PTPRD: variants seen among roughly 807,000 people sequenced by gnomAD.
PTPRD encodes receptor-type tyrosine-protein phosphatase delta.
Under a neutral mutation model 214.5 loss-of-function variants are expected in PTPRD, and 34 were observed. That is an observed-to-expected ratio of 0.16 (90% confidence interval 0.12 to 0.21). The LOEUF (loss-of-function observed/expected upper bound fraction) is 0.21. Among genes scored for constraint, PTPRD ranks in the 10% least tolerant of loss-of-function variants. The probability of loss-of-function intolerance (pLI) is 1.00; values close to 1 mark genes in which losing one functional copy is unlikely to be tolerated. For missense variants in PTPRD, 2,545 were observed against 2,398.7 expected, an observed-to-expected ratio of 1.06 and a Z score of -1.27; for synonymous variants, 1,128 against 845.7, an observed-to-expected ratio of 1.33 and a Z score of -5.79.
intron 34 of PTPRD, among the ~76,000 whole-genome samples, chr9:8,445,739 C>G (rs376118576): frequency 6.6e-6 from 1 of 152,070 alleles, no homozygotes; most frequent in South Asian, 2.1e-4. Flanking sequence ...ATGCAGCAAT[C>G]GGTTAAGTCA....
Position 8,792,059 on chromosome 9 carries a change from G to GA in PTPRD, c.-103-58114dup, listed in dbSNP as rs553130928. Among the ~76,000 whole-genome samples, 13 of 152,224 alleles carry GA rather than the reference G, an allele frequency of 8.5e-5. 2 individuals are homozygous for GA. The East Asian group carries it at 2.5e-3, about 29-fold the overall frequency. On this transcript the variant is annotated intron_variant, in intron 11 of 45. Coordinates refer to ENST00000381196, the MANE Select transcript of PTPRD (RefSeq NM_002839.4). ...CTGTCACAATCATTTCTTAAGGGCGGAAAAAAAGCTGAAATAGTTCGTTTT... is the reference window on the plus strand; with the variant it reads ...CTGTCACAATCATTTCTTAAGGGCGGAAAAAAAAGCTGAAATAGTTCGTTTT...
chr9:9,967,197 T>A (rs902100394), intron 4 of PTPRD, among the ~76,000 whole-genome samples: 6 of 152,202 alleles, frequency 3.9e-5, no homozygotes, highest in Non-Finnish European at 7.4e-5. Flanking sequence ...GCCTCAGTTT[T>A]ATCATCAGCA....
intron 5 of PTPRD, among the ~76,000 whole-genome samples, chr9:9,815,181 A>C (rs937993307): frequency 6.6e-6 from 1 of 152,214 alleles, no homozygotes; most frequent in Non-Finnish European, 1.5e-5. Context: ...GGATCAGAAT[A>C]GAGAGCCCAT....
intron 2 of PTPRD, among the ~76,000 whole-genome samples, chr9:10,472,870 G>A (rs183114754): frequency 3.3e-4 from 50 of 150,950 alleles, no homozygotes; most frequent in African/African-American, 1.1e-3. Flanking sequence ...TTTCAAAAAG[G>A]GACAAGGAGA....
intron 8 of PTPRD, among the ~76,000 whole-genome samples, chr9:9,457,917 C>T (rs2093237870): frequency 6.6e-6 from 1 of 151,948 alleles, no homozygotes. Flanking sequence ...GTGGTGTTTC[C>T]CGTCTAACAT....
At chr9:8,876,001 C>T (rs1318632975) in intron 11 of PTPRD, among the ~76,000 whole-genome samples, 8 of 152,210 alleles carry the variant, frequency 5.3e-5, no homozygotes. Flanking sequence ...ATTCTTACAA[C>T]ATAGTGTCTT....
intron 9 of PTPRD, among the ~76,000 whole-genome samples, chr9:9,268,774 A>G (rs1000678857): frequency 4.0e-5 from 6 of 150,362 alleles, no homozygotes; most frequent in African/African-American, 1.5e-4. Context: ...AGTGTCTTCA[A>G]TTATGGTGCC....
chr9:9,035,074 G>C (rs1168519039), intron 10 of PTPRD, among the ~76,000 whole-genome samples: 1 of 152,078 alleles, frequency 6.6e-6, no homozygotes, highest in Non-Finnish European at 1.5e-5. Context: ...TGGAGTGTGG[G>C]ATTGGATTTT....
intron 14 of PTPRD, among the ~76,000 whole-genome samples, chr9:8,622,880 T>G (rs1412419061): frequency 6.6e-6 from 1 of 151,972 alleles, no homozygotes; most frequent in Non-Finnish European, 1.5e-5. Context: ...GGCTTATGCC[T>G]GTAATCCCAT....
intron 3 of PTPRD, among the ~76,000 whole-genome samples, chr9:10,238,761 A>C (rs2099637282): frequency 6.6e-6 from 1 of 151,952 alleles, no homozygotes; most frequent in Non-Finnish European, 1.5e-5. Flanking sequence ...AATTTTGTTA[A>C]TTATGAGTTT....
chr9:9,255,425 A>G (rs988087244), intron 9 of PTPRD, among the ~76,000 whole-genome samples: 14 of 152,048 alleles, frequency 9.2e-5, no homozygotes, highest in African/African-American at 3.4e-4. Flanking sequence ...AAACCTCTTT[A>G]TATATTTAAA....
intron 12 of PTPRD, among the ~76,000 whole-genome samples, chr9:8,676,566 T>C (rs2097424079): frequency 6.6e-6 from 1 of 151,572 alleles, no homozygotes; most frequent in South Asian, 2.1e-4. Flanking sequence ...TGTGGGTTTC[T>C]TTTTTTGTTT....
intron 2 of PTPRD, among the ~76,000 whole-genome samples, chr9:10,543,899 C>A (rs10959161): frequency 0.19 from 28,162 of 152,080 alleles, 2,849 homozygotes; most frequent in South Asian, 0.25. Flanking sequence ...GTCGGGGAAT[C>A]TGCTTGTGAT....
At chr9:9,260,806 C>G (rs1182634707) in intron 9 of PTPRD, among the ~76,000 whole-genome samples, 1 of 151,894 alleles carries the variant, frequency 6.6e-6, no homozygotes, top group Non-Finnish European at 1.5e-5. Context: ...CCACCCTGTT[C>G]TCTTTAGGAC....
At chr9:9,902,902 T>G (rs1283725229) in intron 5 of PTPRD, among the ~76,000 whole-genome samples, 1 of 152,084 alleles carries the variant, frequency 6.6e-6, no homozygotes, top group African/African-American at 2.4e-5. Flanking sequence ...ATTTTTTTGT[T>G]TGTGTAATAT....
At chr9:9,885,701 C>T (rs562567832) in intron 5 of PTPRD, among the ~76,000 whole-genome samples, 363 of 152,048 alleles carry the variant, frequency 2.4e-3, no homozygotes, top group Middle Eastern at 6.8e-3. Context: ...TGTGGGCAAC[C>T]TCCAGAAAAG....
chr9:9,278,057 C>A (rs989416672), intron 9 of PTPRD, among the ~76,000 whole-genome samples: 1 of 151,298 alleles, frequency 6.6e-6, no homozygotes, highest in African/African-American at 2.4e-5. Flanking sequence ...TTAACATGTG[C>A]TGCAATATAT....
At chr9:10,580,031 G>T (rs2071143178) in intron 2 of PTPRD, among the ~76,000 whole-genome samples, 1 of 152,090 alleles carries the variant, frequency 6.6e-6, no homozygotes, top group Non-Finnish European at 1.5e-5. Context: ...GAAATGTATA[G>T]AAACCTGAAC....
intron 35 of PTPRD, among the ~76,000 whole-genome samples, chr9:8,432,038 C>T (rs563452781): frequency 5.5e-4 from 84 of 152,320 alleles, no homozygotes; most frequent in African/African-American, 1.9e-3. Flanking sequence ...GATTTGACTT[C>T]TTCCTTGGAA....
Sources: allele counts gnomAD v4.1 joint callset (sites outside exome capture counted in the v4.1 genomes callset), GRCh38; gene constraint gnomAD v4.1.1; transcripts MANE v1.5; gene names NCBI Gene and HGNC (gene_info 2026-07-23, HGNC 2026-07-21).